CTNNA2: variants seen among roughly 807,000 people sequenced by gnomAD.
The protein encoded by CTNNA2 is catenin alpha 2.
In CTNNA2, 42 loss-of-function variants were observed where a neutral mutation model predicts 101.0. The observed-to-expected ratio is 0.42, with a 90% CI of 0.32 to 0.54. The LOEUF (loss-of-function observed/expected upper bound fraction) is 0.54. CTNNA2 is among the 20% of genes least tolerant of loss of function. The probability of loss-of-function intolerance (pLI) is 0.14; values close to 1 mark genes in which losing one functional copy is unlikely to be tolerated. For missense variants in CTNNA2, 871 were observed against 1,223.1 expected (o/e 0.71, Z 4.29); for synonymous variants, 450 against 456.4 (o/e 0.99, Z 0.18).
At chr2:80,455,672 T>G (rs745917372) in intron 9 of CTNNA2, among the ~76,000 whole-genome samples, 2 of 152,186 alleles carry the variant, frequency 1.3e-5, no homozygotes, top group Admixed American at 6.5e-5. Context: ...ATAAATTAAT[T>G]CACACCAAGA....
chr2:80,347,843 C>CTTT (rs1244814935), intron 7 of CTNNA2, among the ~76,000 whole-genome samples: 4 of 145,794 alleles, frequency 2.7e-5, no homozygotes, highest in South Asian at 4.3e-4. Context: ...CTTTTCTTTT[C>CTTT]TTTTTTTTTT....
chr2:79,703,529 C>A (rs1019183235), intron 2 of CTNNA2, among the ~76,000 whole-genome samples: 1 of 152,170 alleles, frequency 6.6e-6, no homozygotes, highest in African/African-American at 2.4e-5. Context: ...CATATTTCCC[C>A]TGCATTTTTA....
intron 7 of CTNNA2, among the ~76,000 whole-genome samples, chr2:80,114,633 C>A (rs1701416785): frequency 6.6e-6 from 1 of 152,214 alleles, no homozygotes; most frequent in African/African-American, 2.4e-5. Context: ...GGGAAGAGGG[C>A]ACTCACATAG....
chr2:80,613,902 A>T (rs1416249537), intron 17 of CTNNA2, among the ~76,000 whole-genome samples: 1 of 151,430 alleles, frequency 6.6e-6, no homozygotes, highest in African/African-American at 2.4e-5. Context: ...TTTTAGTTTG[A>T]GGGCATTACT....
At chr2:79,399,442 C>G (rs1335798031) in intron 4 of CTNNA2, among the ~76,000 whole-genome samples, 1 of 152,056 alleles carries the variant, frequency 6.6e-6, no homozygotes, top group African/African-American at 2.4e-5. Flanking sequence ...TACCAAAGCA[C>G]TGAAATGTAC....
intron 3 of CTNNA2, among the ~76,000 whole-genome samples, chr2:79,348,856 C>G (rs1677321320): frequency 6.6e-6 from 1 of 152,180 alleles, no homozygotes; most frequent in Non-Finnish European, 1.5e-5. Flanking sequence ...TCCCCCTGTA[C>G]CCTTTCTTTA....
chr2:79,792,375 C>G (rs1445654370), intron 3 of CTNNA2, among the ~76,000 whole-genome samples: 1 of 152,200 alleles, frequency 6.6e-6, no homozygotes, highest in Non-Finnish European at 1.5e-5. Context: ...CTCAGAGTTC[C>G]TTTCCTGTAA....
intron 3 of CTNNA2, among the ~76,000 whole-genome samples, chr2:79,793,019 T>A (rs904173565): frequency 1.3e-5 from 2 of 152,200 alleles, no homozygotes; most frequent in African/African-American, 4.8e-5. Flanking sequence ...GTATCAATAT[T>A]TTATGCATTA....
At chr2:79,538,174 A>G (rs975023001) in intron 1 of CTNNA2, among the ~76,000 whole-genome samples, 2 of 152,158 alleles carry the variant, frequency 1.3e-5, no homozygotes, top group Non-Finnish European at 2.9e-5. Flanking sequence ...TAACCTATTA[A>G]TAAATACTGT....
chr2:79,223,267 C>T (rs1026461059), intron 2 of CTNNA2, among the ~76,000 whole-genome samples: 2 of 152,190 alleles, frequency 1.3e-5, no homozygotes, highest in African/African-American at 2.4e-5. Flanking sequence ...AAAGGGTCCT[C>T]ACCAAAATCC....
chr2:79,459,395 AT>A (rs201829130), intron 4 of CTNNA2, among the ~76,000 whole-genome samples: 1,747 of 149,020 alleles, frequency 0.012, 25 homozygotes, highest in African/African-American at 0.036. Context: ...AGTAAAAAGG[AT>A]TTTTTTTTTT....
chr2:79,807,947 A>G (rs778433430), intron 3 of CTNNA2, among the ~76,000 whole-genome samples: 1 of 152,166 alleles, frequency 6.6e-6, no homozygotes, highest in African/African-American at 2.4e-5. Flanking sequence ...CCAAAATAGG[A>G]TCACTTTTCA....
At chr2:79,614,506 A>AT (rs1326101365) in intron 1 of CTNNA2, among the ~76,000 whole-genome samples, 1 of 152,182 alleles carries the variant, frequency 6.6e-6, no homozygotes, top group Non-Finnish European at 1.5e-5. Flanking sequence ...AAGAAAAATG[A>AT]TAAGAATTAT....
chr2:80,060,468 G>A (rs1484034834), intron 7 of CTNNA2, among the ~76,000 whole-genome samples: 1 of 152,108 alleles, frequency 6.6e-6, no homozygotes, highest in East Asian at 1.9e-4. Flanking sequence ...TGCAAACAGG[G>A]CAAAACCATT....
intron 5 of CTNNA2, among the ~76,000 whole-genome samples, chr2:79,506,324 A>T (rs1054398141): frequency 5.3e-5 from 8 of 152,142 alleles, no homozygotes; most frequent in African/African-American, 1.9e-4. Flanking sequence ...AGTTAAAAAA[A>T]AAAAAAGGAA....
chr2:80,629,480 A>G (rs1171230774), intron 18 of CTNNA2, among the ~76,000 whole-genome samples: 2 of 152,280 alleles, frequency 1.3e-5, no homozygotes, highest in East Asian at 1.9e-4. Context: ...AGGAATCTGC[A>G]TTTTATTCCT....
chr2:80,376,253 A>T (rs1675940389), intron 7 of CTNNA2, among the ~76,000 whole-genome samples: 1 of 152,042 alleles, frequency 6.6e-6, no homozygotes, highest in Non-Finnish European at 1.5e-5. Context: ...TTAACTCTTT[A>T]AGTTTTCTTC....
At chr2:80,024,733 G>GC (rs1391882111) in intron 7 of CTNNA2, among the ~76,000 whole-genome samples, 2 of 151,736 alleles carry the variant, frequency 1.3e-5, no homozygotes, top group Non-Finnish European at 2.9e-5. Flanking sequence ...GACCCCTGGA[G>GC]CCCCAGAGGG....
At chr2:79,508,360 C>T (rs531135163), upstream of CTNNA2, among the ~76,000 whole-genome samples, 91 of 152,212 alleles carry the variant, frequency 6.0e-4, no homozygotes, top group South Asian at 3.1e-3. Context: ...GAAAAACATG[C>T]TCCAGGGTGA....
Sources: gnomAD v4.1 joint callset for allele counts (sites outside exome capture counted in the v4.1 genomes callset) on GRCh38, gnomAD v4.1.1 for gene constraint, MANE v1.5 for transcripts, NCBI Gene and HGNC (gene_info 2026-07-23, HGNC 2026-07-21) for gene names.